The following FRMPD4 variants were observed in gnomAD, a reference collection of about 807,000 sequenced individuals.
The protein encoded by FRMPD4 is FERM and PDZ domain-containing protein 4.
In FRMPD4, 22 loss-of-function variants were observed where a neutral mutation model predicts 94.1. The ratio of observed to expected loss-of-function variants is 0.23; its 90% CI spans 0.17 to 0.33. FRMPD4 has a LOEUF of 0.33. Among genes scored for constraint, FRMPD4 ranks in the 10% least tolerant of loss-of-function variants. The pLI is 1.00. For missense variants in FRMPD4, 1,111 were observed against 1,339.9 expected (o/e 0.83, Z 2.67); for synonymous variants, 631 against 548.6 (o/e 1.15, Z -2.10).
intron 2 of FRMPD4, among the ~76,000 whole-genome samples, chrX:12,570,778 C>T (rs1226466264): frequency 9.0e-6 from 1 of 111,078 alleles, no homozygotes; most frequent in African/African-American, 3.3e-5. Context: ...CTGAGAAGGC[C>T]ACTAAGCGAC....
At chrX:12,711,973 A>C (rs1602361754) in intron 14 of FRMPD4, among the ~76,000 whole-genome samples, 1 of 111,659 alleles carries the variant, frequency 9.0e-6, no homozygotes, top group South Asian at 3.8e-4. Flanking sequence ...TCATAGAAAA[A>C]GGGAAGCTAG....
intron 3 of FRMPD4, among the ~76,000 whole-genome samples, chrX:12,101,674 G>A (rs2055257171): frequency 9.0e-6 from 1 of 110,870 alleles, no homozygotes; most frequent in African/African-American, 3.3e-5. Flanking sequence ...AGTAATGAAT[G>A]TTTATTACAT....
chrX:12,060,260 G>A (rs781559141), intron 3 of FRMPD4, among the ~76,000 whole-genome samples: 10 of 101,665 alleles, frequency 9.8e-5, no homozygotes, highest in Middle Eastern at 4.9e-3. Context: ...AGCCTCACTA[G>A]GAACTGGTTT....
intron 1 of FRMPD4, among the ~76,000 whole-genome samples, chrX:12,171,571 C>T (rs2056224751): frequency 9.0e-6 from 1 of 111,087 alleles, no homozygotes; most frequent in Admixed American, 9.6e-5. Flanking sequence ...TACAACTTGG[C>T]AAGATACTGG....
intron 2 of FRMPD4, among the ~76,000 whole-genome samples, chrX:12,601,275 T>C (rs1369812686): frequency 8.9e-6 from 1 of 112,241 alleles, no homozygotes; most frequent in Non-Finnish European, 1.9e-5. Flanking sequence ...GAACCCACAG[T>C]ATGCGTATTT....
chrX:12,589,448 C>T (rs1217172767), intron 2 of FRMPD4, among the ~76,000 whole-genome samples: 1 of 111,887 alleles, frequency 8.9e-6, no homozygotes, highest in Non-Finnish European at 1.9e-5. Context: ...ATCCAGAAAG[C>T]TTTGCATTCT....
chrX:11,976,415 G>T (rs1256593495), intron 3 of FRMPD4, among the ~76,000 whole-genome samples: 4 of 112,196 alleles, frequency 3.6e-5, no homozygotes, highest in Non-Finnish European at 7.5e-5. Flanking sequence ...CAGCTTTGAT[G>T]TTCTGGCATG....
chrX:11,934,135 C>A (rs1245238001), intron 3 of FRMPD4, among the ~76,000 whole-genome samples: 1 of 112,157 alleles, frequency 8.9e-6, no homozygotes, highest in Admixed American at 9.5e-5. Context: ...TAGAATTAGT[C>A]TACTATGCTG....
At chrX:12,262,798 G>A (rs1164452529) in intron 1 of FRMPD4, among the ~76,000 whole-genome samples, 1 of 111,646 alleles carries the variant, frequency 9.0e-6, no homozygotes, top group Non-Finnish European at 1.9e-5. Flanking sequence ...TCTTCCTTGT[G>A]AGATTGTATA....
intron 3 of FRMPD4, among the ~76,000 whole-genome samples, chrX:12,089,532 T>C (rs2055137404): frequency 8.9e-6 from 1 of 112,139 alleles, no homozygotes; most frequent in Admixed American, 9.5e-5. Context: ...GGTTTTAATT[T>C]ATATTGCCCT....
At chrX:11,986,069 G>T in intron 3 of FRMPD4, among the ~76,000 whole-genome samples, 2 of 112,213 alleles carry the variant, frequency 1.8e-5, no homozygotes, top group African/African-American at 6.5e-5. Context: ...CCAAGTAGTG[G>T]TTACAATAGG....
intron 1 of FRMPD4, among the ~76,000 whole-genome samples, chrX:11,823,299 A>G (rs1347020039): frequency 1.8e-5 from 2 of 109,043 alleles, no homozygotes; most frequent in African/African-American, 6.7e-5. Context: ...ATAATATAAT[A>G]ATAATAATTA....
chrX:11,983,114 C>T (rs1466544458), intron 3 of FRMPD4, among the ~76,000 whole-genome samples: 2 of 112,060 alleles, frequency 1.8e-5, no homozygotes, highest in Non-Finnish European at 3.8e-5. Context: ...TAAAGCTTTT[C>T]ATGTCACACA....
chrX:11,935,526 T>C (rs2054154412), intron 3 of FRMPD4, among the ~76,000 whole-genome samples: 1 of 3,535 alleles, frequency 2.8e-4, no homozygotes, highest in Admixed American at 3.8e-3. Context: ...TGAGTGAGAA[T>C]ATGCGGTGTT....
chrX:12,195,602 C>G lies in FRMPD4; in HGVS notation c.41+56590C>G, dbSNP rs185533464. Among the ~76,000 whole-genome samples the G allele has an allele frequency of 4.2e-3, 467 of 111,585 alleles. 5 individuals carry two copies. The highest frequency in any genetic ancestry group is 0.014 in the African/African-American group (445 of 30,745). On this transcript the variant is annotated intron_variant, in intron 1 of 16. Transcript: ENST00000675598. ...TTGTCTGGTCACGAAGTTACAGTGA[C>G]TAGCCACAATTACTGAAATTCCAGA...
chrX:12,029,763 C>G (rs2054681163), intron 3 of FRMPD4, among the ~76,000 whole-genome samples: 1 of 111,505 alleles, frequency 9.0e-6, no homozygotes, highest in Non-Finnish European at 1.9e-5. Context: ...AAATTAATGT[C>G]AACTAATTAG....
chrX:12,588,150 G>A (rs775573661), intron 2 of FRMPD4, among the ~76,000 whole-genome samples: 4 of 111,349 alleles, frequency 3.6e-5, no homozygotes, highest in Non-Finnish European at 7.5e-5. Flanking sequence ...CACCATGCCC[G>A]GCTAATTTTT....
chrX:12,281,577 G>A (rs956357242), intron 1 of FRMPD4, among the ~76,000 whole-genome samples: 3 of 110,570 alleles, frequency 2.7e-5, no homozygotes, highest in South Asian at 3.9e-4. Flanking sequence ...GTTTTGCCAC[G>A]TTACTCAGGC....
chrX:12,384,625 A>G (rs111922875), intron 1 of FRMPD4, among the ~76,000 whole-genome samples: 5,387 of 112,110 alleles, frequency 0.048, 298 homozygotes, highest in African/African-American at 0.16. Flanking sequence ...AGAGATCAGG[A>G]GCTTTATCCA....
Sources: gnomAD v4.1 joint callset for allele counts (sites outside exome capture counted in the v4.1 genomes callset) on GRCh38, gnomAD v4.1.1 for gene constraint, MANE v1.5 for transcripts, NCBI Gene and HGNC (gene_info 2026-07-23, HGNC 2026-07-21) for gene names.